The following ABHD2 variants were observed in gnomAD, a reference collection of about 807,000 sequenced individuals.
The protein encoded by ABHD2 is abhydrolase domain containing 2, acylglycerol lipase, also known as monoacylglycerol lipase ABHD2.
In ABHD2, 20 loss-of-function variants were observed where a neutral mutation model predicts 48.1. The observed-to-expected ratio is 0.42, with a 90% CI of 0.29 to 0.60. ABHD2 has a LOEUF of 0.60. Ranked by LOEUF, ABHD2 falls within the 20% of genes least tolerant of loss-of-function variation. The probability of loss-of-function intolerance (pLI) is 0.24; values close to 1 mark genes in which losing one functional copy is unlikely to be tolerated. For synonymous variants in ABHD2, 209 were observed against 214.2 expected (o/e 0.98, Z 0.21); for missense variants, 405 against 550.9 (o/e 0.74, Z 2.65).
At position 89,091,863 on chromosome 15, in the gene ABHD2, C is replaced by T. The variant is rs529160892; in HGVS notation, c.-107+3300C>T. 6.6e-6 allele frequency among the ~76,000 whole-genome samples: 1 copy of T among 152,302 alleles called. No homozygotes were observed. Among genetic ancestry groups the T allele is most frequent in the African/African-American group, 2.4e-5 (1 of 41,566 alleles). On this transcript the variant is annotated intron_variant, in intron 1 of 10. Coordinates refer to ENST00000352732, the MANE Select transcript of ABHD2 (RefSeq NM_152924.5). The surrounding 1 kb of genome is among the most constrained non-coding windows in gnomAD (Gnocchi z 5.5). ...ATGAGTTGCTTTAGCCTTTCTGTTT[C>T]ATCTTGGGCTAAGCTATCCCCAGGA...
chr15:89,199,753 C>G lies in ABHD2; in HGVS notation c.*4330C>G, dbSNP rs924683851. 10 of 152,542 alleles carry G rather than the reference C, an allele frequency of 6.6e-5. No individual in the cohort carries two copies. Among genetic ancestry groups the G allele is most frequent in the African/African-American group, 2.4e-4 (10 of 41,416 alleles). The allele number at this position is 152,542 out of a possible 1,614,324, so 9.4% of individuals were successfully genotyped here. ...TAGCCTGCCTGTGGCATTTAGAGGC[C>G]AAGCAATTGACAGAAAGGGTTTCTT... On this transcript the variant is annotated 3_prime_UTR_variant, in exon 11 of 11. Transcript: ENST00000352732. This position sits in a 1 kb window ranked among gnomAD's most constrained non-coding sequence, Gnocchi z 4.1.
chr15:89,141,472 A>C (rs1178901655), intron 3 of ABHD2, among the ~76,000 whole-genome samples: 3 of 152,200 alleles, frequency 2.0e-5, no homozygotes, highest in African/African-American at 4.8e-5. Flanking sequence ...ATCTCTGCTA[A>C]AAATACAAAA....
In ABHD2 at chr15:89,155,674, C is replaced by G; in HGVS notation, c.538+140C>G. On this transcript the variant is annotated intron_variant, in intron 5 of 10. Transcript: ENST00000352732. This position sits in a 1 kb window ranked among gnomAD's most constrained non-coding sequence, Gnocchi z 4.9. ...TAGGTCACACGGTTATATCAACAGC[C>G]AACTTGTACTGGGCATTGATGATGC... 9.4e-7 allele frequency: 1 copy of G among 1,069,312 alleles called. No individual in the cohort carries two copies. The highest frequency in any genetic ancestry group is 1.3e-6 in the Non-Finnish European group (1 of 753,504). 66.2% of individuals were successfully genotyped at this position (1,069,312 alleles called of 1,614,324 possible).
chr15:89,058,851 C>A, the ABHD2 span, among the ~76,000 whole-genome samples: 2 of 151,370 alleles, frequency 1.3e-5, no homozygotes, highest in South Asian at 4.1e-4. Context: ...TGGACAGAAG[C>A]CTGCAGTAAT....
chr15:89,067,305 C>T, the ABHD2 span, among the ~76,000 whole-genome samples: 20 of 152,204 alleles, frequency 1.3e-4, no homozygotes, highest in Non-Finnish European at 2.5e-4. Context: ...ACAACTGTGA[C>T]AGTTTAGCAT....
intron 2 of ABHD2, among the ~76,000 whole-genome samples, chr15:89,115,616 A>C (rs1339976428): frequency 6.6e-6 from 1 of 152,186 alleles, no homozygotes; most frequent in Non-Finnish European, 1.5e-5. Context: ...GGAAAAAACA[A>C]AACAAAACAA....
intron 1 of ABHD2, among the ~76,000 whole-genome samples, chr15:89,103,719 T>C (rs931656375): frequency 6.6e-6 from 1 of 152,288 alleles, no homozygotes; most frequent in East Asian, 1.9e-4. Flanking sequence ...ACATCCAGAA[T>C]CCAGAATCTC....
chr15:89,091,936 A>G lies in ABHD2; in HGVS notation c.-107+3373A>G, dbSNP rs1320563986. Among the ~76,000 whole-genome samples, 1 of 152,362 alleles carries G rather than the reference A, an allele frequency of 6.6e-6. No homozygotes were observed. Among genetic ancestry groups the G allele is most frequent in the African/African-American group, 2.4e-5 (1 of 41,580 alleles). ...GTGCCTCTTAAATGTGTCTGGTGTC[A>G]GGATTTTATAGCAGCTTTTCATGGT... On this transcript the variant is annotated intron_variant, in intron 1 of 10. Transcript: ENST00000352732. The surrounding 1 kb of genome is among the most constrained non-coding windows in gnomAD (Gnocchi z 5.5).
At chr15:89,140,689 G>A (rs1024653306) in intron 3 of ABHD2, among the ~76,000 whole-genome samples, 3 of 152,068 alleles carry the variant, frequency 2.0e-5, no homozygotes, top group African/African-American at 7.2e-5. Context: ...TGTGATCTGG[G>A]AGCCTCACGT....
In ABHD2 at chr15:89,182,123, G is replaced by A. The variant is rs565274573; in HGVS notation, c.723-3301G>A. Reference sequence around the variant, plus strand: ...ACAAAGTTCTTTAAAAATCCTTATGGATTATTCTCAAAAAAGACTCCCAGT... The same window carrying A: ...ACAAAGTTCTTTAAAAATCCTTATGAATTATTCTCAAAAAAGACTCCCAGT... On this transcript the variant is annotated intron_variant, in intron 6 of 10. Transcript: ENST00000352732. The surrounding 1 kb of genome is among the most constrained non-coding windows in gnomAD (Gnocchi z 4.8). 6.6e-6 allele frequency among the ~76,000 whole-genome samples: 1 copy of A among 152,274 alleles called. No individual in the cohort carries two copies. Among genetic ancestry groups the A allele is most frequent in the South Asian group, 2.1e-4 (1 of 4,820 alleles).
Position 89,143,568 on chromosome 15 carries a change from T to G in ABHD2, c.195-8109T>G, listed in dbSNP as rs544975409. The stretch of plus-strand genomic sequence containing the variant: ...TGTAATCCCAGCTACATGGGAGGCT[T>G]AGGCAGGAGAATCGCTTGAACCCAG... On this transcript the variant is annotated intron_variant, in intron 3 of 10. Transcript: ENST00000352732. Among the ~76,000 whole-genome samples, 109 of 151,886 alleles carry G rather than the reference T, an allele frequency of 7.2e-4. 2 individuals carry two copies. The Middle Eastern group carries it at 0.017, about 24-fold the overall frequency.
At chr15:89,087,964 AG>A (rs746034329), upstream of ABHD2, 1 of 152,070 alleles carries the variant, frequency 6.6e-6, no homozygotes, top group Non-Finnish European at 1.5e-5. This position sits in a 1 kb window ranked among gnomAD's most constrained non-coding sequence, Gnocchi z 5.5. Context: ...AGTACACGTG[AG>A]TCAGTCAGTC....
rs2051443003 is a variant in ABHD2 at position 89,199,236 on chromosome 15, T to G, written c.*3813T>G. ...TGTTTGTGTTTGCTCAGCAAGCAGA[T>G]GTCTGAGATGTAAGAAGCTTTTCTT... On this transcript the variant is annotated 3_prime_UTR_variant, in exon 11 of 11. Coordinates refer to ENST00000352732, the MANE Select transcript of ABHD2 (RefSeq NM_152924.5). This position sits in a 1 kb window ranked among gnomAD's most constrained non-coding sequence, Gnocchi z 4.1. The G allele has an allele frequency of 6.6e-6, 1 of 152,108 alleles. No individual in the cohort carries two copies. Among genetic ancestry groups the G allele is most frequent in the South Asian group, 2.1e-4 (1 of 4,830 alleles). 9.4% of individuals were successfully genotyped at this position (152,108 alleles called of 1,614,324 possible). A position where few individuals can be genotyped will look rare whatever the true frequency, so the allele number is the denominator to read the frequency against.
chr15:89,152,871 C>G (rs2050615661), intron 4 of ABHD2, among the ~76,000 whole-genome samples: 1 of 152,148 alleles, frequency 6.6e-6, no homozygotes, highest in African/African-American at 2.4e-5. Context: ...TACAAGCATC[C>G]TTTTGAATGC....
At position 89,184,365 on chromosome 15, in the gene ABHD2, C is replaced by T. The variant is rs1038037375; in HGVS notation, c.723-1059C>T. ...AAAAAACCTTACAAACCACCTGGTCCCCTCACTTACCATCTGGAAGATGGA... is the reference window on the plus strand; with the variant it reads ...AAAAAACCTTACAAACCACCTGGTCTCCTCACTTACCATCTGGAAGATGGA... On this transcript the variant is annotated intron_variant, in intron 6 of 10. Coordinates refer to ENST00000352732, the MANE Select transcript of ABHD2 (RefSeq NM_152924.5). The surrounding 1 kb of genome is among the most constrained non-coding windows in gnomAD (Gnocchi z 5.1). 1.8e-4 allele frequency among the ~76,000 whole-genome samples: 27 copies of T among 152,102 alleles called. No individual in the cohort carries two copies. The highest frequency in any genetic ancestry group is 6.3e-4 in the African/African-American group (26 of 41,416).
chr15:89,191,046 C>A (rs756909414), intron 8 of ABHD2, 34 bp from the exon 9 acceptor site: 2 of 1,607,356 alleles, frequency 1.2e-6, no homozygotes, highest in Admixed American at 1.7e-5. Context: ...ATGTTTTGTC[C>A]TTTTTCTTTT....
At chr15:89,049,211 C>A in the ABHD2 span, among the ~76,000 whole-genome samples, 1 of 152,170 alleles carries the variant, frequency 6.6e-6, no homozygotes, top group South Asian at 2.1e-4. Flanking sequence ...GGAGGTCAGG[C>A]ATCAGGGACC....
At chr15:89,099,675 T>C (rs1431453656) in intron 1 of ABHD2, among the ~76,000 whole-genome samples, 1 of 149,270 alleles carries the variant, frequency 6.7e-6, no homozygotes, top group African/African-American at 2.5e-5. Context: ...ATCCCAGCAC[T>C]TTGGGAGGCC....
In ABHD2 at chr15:89,201,319, A is replaced by G; in HGVS notation, c.*5896A>G. ...TTAGTTTCCTTGTTTCAGTATCATG[A>G]AGTGAAGCACTGTGTGGTTGTGGCG... On this transcript the variant is annotated 3_prime_UTR_variant, in exon 11 of 11. Coordinates refer to ENST00000352732, the MANE Select transcript of ABHD2 (RefSeq NM_152924.5). 4.7e-6 allele frequency: 5 copies of G among 1,071,506 alleles called. No homozygotes were observed. The South Asian group carries it at 5.3e-5, about 11-fold the overall frequency. The allele number at this position is 1,071,506 out of a possible 1,614,324, so 66.4% of individuals were successfully genotyped here.
Sources: gnomAD v4.1 joint callset for allele counts (sites outside exome capture counted in the v4.1 genomes callset) on GRCh38, gnomAD v4.1.1 for gene constraint, Gnocchi (gnomAD v3.1) non-coding constraint, MANE v1.5 for transcripts, NCBI Gene and HGNC (gene_info 2026-07-23, HGNC 2026-07-21) for gene names.